Variants in MACO1 observed in about 807,000 individuals in gnomAD.
MACO1 encodes macoilin.
Under a neutral mutation model 78.7 loss-of-function variants are expected in MACO1, and 14 were observed. The observed-to-expected ratio is 0.18, with a 90% CI of 0.12 to 0.28. The LOEUF is 0.28. Among genes scored for constraint, MACO1 ranks in the 10% least tolerant of loss-of-function variants. The probability of loss-of-function intolerance (pLI) is 1.00; values close to 1 mark genes in which losing one functional copy is unlikely to be tolerated. For missense variants in MACO1, 501 were observed against 799.0 expected (o/e 0.63, Z 4.50); for synonymous variants, 288 against 291.6 (o/e 0.99, Z 0.12).
At chr1:25,473,744 G>A (rs2043295350) in intron 6 of MACO1, among the ~76,000 whole-genome samples, 1 of 152,224 alleles carries the variant, frequency 6.6e-6, no homozygotes, top group African/African-American at 2.4e-5. Context: ...TATTATTCAT[G>A]CTATCATTTA....
chr1:25,465,990 A>C (rs899918038), intron 6 of MACO1, among the ~76,000 whole-genome samples: 1 of 152,030 alleles, frequency 6.6e-6, no homozygotes, highest in Non-Finnish European at 1.5e-5. Context: ...TGTATACCAC[A>C]TTTTCTTTAT....
intron 6 of MACO1, among the ~76,000 whole-genome samples, chr1:25,481,689 G>A (rs1324604434): frequency 6.6e-6 from 1 of 152,202 alleles, no homozygotes; most frequent in Admixed American, 6.5e-5. Flanking sequence ...AGACAGTATG[G>A]TGATGGTATA....
At chr1:25,454,785 A>G (rs953703786) in intron 4 of MACO1, among the ~76,000 whole-genome samples, 2 of 151,968 alleles carry the variant, frequency 1.3e-5, no homozygotes, top group African/African-American at 4.8e-5. Context: ...CCCAGCCAGT[A>G]TTATATATAT....
chr1:25,497,208 C>G (rs1407741595), intron 10 of MACO1, among the ~76,000 whole-genome samples: 1 of 151,942 alleles, frequency 6.6e-6, no homozygotes, highest in Non-Finnish European at 1.5e-5. Context: ...TGGAGAAACC[C>G]CGTCTCTACT....
At chr1:25,449,652 C>T (rs1294042566) in intron 3 of MACO1, among the ~76,000 whole-genome samples, 1 of 152,126 alleles carries the variant, frequency 6.6e-6, no homozygotes, top group Non-Finnish European at 1.5e-5. Flanking sequence ...TAAGCCACAG[C>T]TTGCTGATTT....
intron 6 of MACO1, among the ~76,000 whole-genome samples, chr1:25,459,729 G>A (rs1010112280): frequency 7.2e-5 from 11 of 151,986 alleles, no homozygotes; most frequent in Admixed American, 6.5e-5. Context: ...CACCTGCTTC[G>A]GCCTCCCAAA....
At chr1:25,454,466 GTGTGTA>G (rs1288296302) in intron 4 of MACO1, 84 bp downstream of exon 4, 36 of 174,582 alleles carry the variant, frequency 2.1e-4, no homozygotes, top group Admixed American at 1.7e-3. Flanking sequence ...GTGTGTGTGT[GTGTGTA>G]TATATATATA....
Position 25,485,309 on chromosome 1 carries a change from T to C in MACO1, c.1314-304T>C, listed in dbSNP as rs1249618335. Among the ~76,000 whole-genome samples, 1 of 152,240 alleles carries C rather than the reference T, an allele frequency of 6.6e-6. No homozygotes were observed. The highest frequency in any genetic ancestry group is 1.5e-5 in the Non-Finnish European group (1 of 68,038). On this transcript the variant is annotated intron_variant, in intron 7 of 10. Coordinates refer to ENST00000374343, the MANE Select transcript of MACO1 (RefSeq NM_018202.6). This position sits in a 1 kb window ranked among gnomAD's most constrained non-coding sequence, Gnocchi z 4.3. ...AACATTAGAATTAGTTCTACAATTATCTTCCCCTCTGTTCAAAATTTGTTT... is the reference window on the plus strand; with the variant it reads ...AACATTAGAATTAGTTCTACAATTACCTTCCCCTCTGTTCAAAATTTGTTT...
chr1:25,457,272 A>AT (rs2043129943), intron 5 of MACO1, among the ~76,000 whole-genome samples: 1 of 151,226 alleles, frequency 6.6e-6, no homozygotes, highest in Admixed American at 6.6e-5. Flanking sequence ...TGCCTGGCTA[A>AT]TTTTTTTTAA....
At chr1:25,478,474 G>A (rs1004399124) in intron 6 of MACO1, among the ~76,000 whole-genome samples, 2 of 152,122 alleles carry the variant, frequency 1.3e-5, no homozygotes, top group Admixed American at 1.3e-4. Context: ...AATTGGGTAG[G>A]ATTAGGGAGA....
intron 6 of MACO1, among the ~76,000 whole-genome samples, chr1:25,460,147 T>C (rs767926542): frequency 6.6e-6 from 1 of 152,206 alleles, no homozygotes; most frequent in Non-Finnish European, 1.5e-5. Context: ...ATACAGGCTC[T>C]AGAGGTTTCA....
intron 10 of MACO1, among the ~76,000 whole-genome samples, chr1:25,494,711 G>T (rs1301664051): frequency 6.6e-6 from 1 of 152,174 alleles, no homozygotes; most frequent in African/African-American, 2.4e-5. Context: ...GAGAGTGGAG[G>T]TTCCTGAGAG....
In MACO1 at chr1:25,440,758, A is replaced by G. The variant is rs542560916; in HGVS notation, c.81-6004A>G. ...ACTCCAGCCTGGGCGACAGAGTGAG[A>G]CTCCATCTCAAAAAAAAAAAAAAAA... On this transcript the variant is annotated intron_variant, in intron 1 of 10. Coordinates refer to ENST00000374343, the MANE Select transcript of MACO1 (RefSeq NM_018202.6). 1.3e-4 allele frequency among the ~76,000 whole-genome samples: 16 copies of G among 125,770 alleles called. No homozygotes were observed. In the South Asian group the frequency reaches 3.8e-3, roughly 30 times the overall value. The allele number at this position is 125,770 out of a possible 152,430, so 82.5% of individuals were successfully genotyped here. A position where few individuals can be genotyped will look rare whatever the true frequency, so the allele number is the denominator to read the frequency against.
At chr1:25,481,630 A>G (rs1453837751) in intron 6 of MACO1, among the ~76,000 whole-genome samples, 4 of 152,230 alleles carry the variant, frequency 2.6e-5, no homozygotes, top group African/African-American at 9.6e-5. Context: ...GCCTGACAGC[A>G]TTGACCTCTT....
intron 6 of MACO1, among the ~76,000 whole-genome samples, chr1:25,471,956 A>C (rs1402156732): frequency 6.6e-6 from 1 of 152,150 alleles, no homozygotes; most frequent in East Asian, 1.9e-4. Context: ...AAGAGGAGAA[A>C]AGTCCTCTGA....
intron 6 of MACO1, among the ~76,000 whole-genome samples, chr1:25,470,348 T>G (rs984769749): frequency 1.3e-5 from 2 of 152,196 alleles, no homozygotes; most frequent in African/African-American, 4.8e-5. Context: ...GAGAGAAAGT[T>G]GCAACAGAAG....
intron 5 of MACO1, among the ~76,000 whole-genome samples, chr1:25,457,584 G>A (rs1011619183): frequency 3.3e-5 from 5 of 152,134 alleles, no homozygotes; most frequent in Non-Finnish European, 5.9e-5. Context: ...TGGATAGGTC[G>A]TGTTCTAAAT....
At chr1:25,457,238 T>G (rs2124585200) in intron 5 of MACO1, among the ~76,000 whole-genome samples, 1 of 152,066 alleles carries the variant, frequency 6.6e-6, no homozygotes, top group Admixed American at 6.6e-5. Context: ...CCTGAGCAGC[T>G]GCTACCATGG....
At chr1:25,465,578 A>G (rs933013783) in intron 6 of MACO1, among the ~76,000 whole-genome samples, 1 of 152,190 alleles carries the variant, frequency 6.6e-6, no homozygotes, top group Non-Finnish European at 1.5e-5. Flanking sequence ...CTTGTTTACC[A>G]TCTGTGCATC....
Sources: allele counts gnomAD v4.1 joint callset (sites outside exome capture counted in the v4.1 genomes callset), GRCh38; gene constraint gnomAD v4.1.1; non-coding constraint Gnocchi (gnomAD v3.1); transcripts MANE v1.5; gene names NCBI Gene and HGNC (gene_info 2026-07-23, HGNC 2026-07-21).